CDH13: variants seen among roughly 807,000 people sequenced by gnomAD.
CDH13 encodes the protein cadherin-13.
In CDH13, 24 loss-of-function variants were observed where a neutral mutation model predicts 63.8. The observed-to-expected ratio is 0.38, with a 90% CI of 0.27 to 0.53. The LOEUF is 0.53. CDH13 is among the 20% of genes least tolerant of loss of function. The probability of loss-of-function intolerance (pLI) is 0.85; values close to 1 mark genes in which losing one functional copy is unlikely to be tolerated. For synonymous variants in CDH13, 503 were observed against 355.3 expected, an observed-to-expected ratio of 1.42 and a Z score of -4.67; for missense variants, 1,049 against 903.1, an observed-to-expected ratio of 1.16 and a Z score of -2.07.
rs1309480477 is a variant in CDH13, at chr16:83,511,066, G to GCA, written c.960+24418_960+24419dup. On this transcript the variant is annotated intron_variant, in intron 7 of 13. Coordinates refer to ENST00000567109, the MANE Select transcript of CDH13 (RefSeq NM_001257.5). Reference sequence around the variant, plus strand: ...CACACGTGTGTGCACACACAGACACGCACACACATGCACGCATGCACACAC... The same window carrying GCA: ...CACACGTGTGTGCACACACAGACACGCACACACACATGCACGCATGCACACAC... 3.9e-5 allele frequency among the ~76,000 whole-genome samples: 3 copies of GCA among 77,086 alleles called. No individual in the cohort carries two copies. In the East Asian group the frequency reaches 2.3e-3, roughly 60 times the overall value. 50.6% of individuals were successfully genotyped at this position (77,086 alleles called of 152,430 possible).
chr16:83,169,676 G>A (rs1030373815), intron 4 of CDH13, among the ~76,000 whole-genome samples: 6 of 151,776 alleles, frequency 4.0e-5, no homozygotes, highest in Admixed American at 3.9e-4. Context: ...ACTACTTATT[G>A]TGGATATTAA....
chr16:82,697,210 A>C (rs1447357805), intron 1 of CDH13, among the ~76,000 whole-genome samples: 1 of 152,176 alleles, frequency 6.6e-6, no homozygotes, highest in East Asian at 1.9e-4. Context: ...ATATATTTCA[A>C]AACCACCACA....
intron 4 of CDH13, among the ~76,000 whole-genome samples, chr16:83,130,473 G>T (rs1233923811): frequency 1.3e-5 from 2 of 152,156 alleles, no homozygotes; most frequent in African/African-American, 4.8e-5. Flanking sequence ...CATTAAAATT[G>T]AGTGCAATTC....
At chr16:82,918,112 G>A (rs1382661019) in intron 2 of CDH13, among the ~76,000 whole-genome samples, 3 of 152,140 alleles carry the variant, frequency 2.0e-5, no homozygotes, top group African/African-American at 7.2e-5. Flanking sequence ...CCTGGTAAAA[G>A]GTGGCAGAGC....
At chr16:83,485,123 T>C (rs945878927) in intron 6 of CDH13, among the ~76,000 whole-genome samples, 9 of 152,224 alleles carry the variant, frequency 5.9e-5, no homozygotes, top group African/African-American at 2.2e-4. Context: ...AATATCTCAG[T>C]GTGAGAATAC....
chr16:83,653,342 A>T (rs1278005789), intron 8 of CDH13, among the ~76,000 whole-genome samples: 1 of 152,188 alleles, frequency 6.6e-6, no homozygotes, highest in Non-Finnish European at 1.5e-5. Context: ...CAAAGAAAAA[A>T]CTGCATAGCA....
At chr16:83,448,931 G>A (rs1356344421) in intron 6 of CDH13, among the ~76,000 whole-genome samples, 1 of 152,182 alleles carries the variant, frequency 6.6e-6, no homozygotes, top group Non-Finnish European at 1.5e-5. Flanking sequence ...AGGAATACAG[G>A]ATTCTTCGTA....
intron 7 of CDH13, among the ~76,000 whole-genome samples, chr16:83,594,456 A>T (rs143719087): frequency 6.6e-6 from 1 of 152,154 alleles, no homozygotes; most frequent in South Asian, 2.1e-4. Flanking sequence ...TTAAATGTCA[A>T]CCATCCTATT....
intron 10 of CDH13, among the ~76,000 whole-genome samples, chr16:83,743,927 C>T (rs575662270): frequency 1.3e-5 from 2 of 151,690 alleles, no homozygotes; most frequent in African/African-American, 4.8e-5. Flanking sequence ...ACCGAGAAGC[C>T]CAGCCCCTGG....
intron 4 of CDH13, among the ~76,000 whole-genome samples, chr16:83,160,502 C>T (rs2151710007): frequency 6.6e-6 from 1 of 152,238 alleles, no homozygotes; most frequent in South Asian, 2.1e-4. Context: ...TTGTGAATGT[C>T]AGCAAATGAA....
At chr16:83,586,805 G>A (rs4548845) in intron 7 of CDH13, among the ~76,000 whole-genome samples, 2 of 152,118 alleles carry the variant, frequency 1.3e-5, no homozygotes, top group African/African-American at 4.8e-5. Context: ...GCCGGGTTAT[G>A]CTCACTGCTT....
chr16:82,779,576 A>T (rs1269948911), intron 1 of CDH13, among the ~76,000 whole-genome samples: 1 of 152,160 alleles, frequency 6.6e-6, no homozygotes, highest in Non-Finnish European at 1.5e-5. Flanking sequence ...GGCAAAGGAG[A>T]GGGGCCAGGA....
chr16:82,979,238 T>A (rs1239227454), intron 2 of CDH13, among the ~76,000 whole-genome samples: 12 of 152,162 alleles, frequency 7.9e-5, no homozygotes, highest in Admixed American at 7.9e-4. Context: ...GTAGGCCTCG[T>A]CTCAGATGAG....
At chr16:82,786,266 T>C (rs2035996804) in intron 1 of CDH13, among the ~76,000 whole-genome samples, 1 of 152,126 alleles carries the variant, frequency 6.6e-6, no homozygotes, top group Non-Finnish European at 1.5e-5. Flanking sequence ...TATCTTACAG[T>C]TAAGGTTTGA....
intron 6 of CDH13, among the ~76,000 whole-genome samples, chr16:83,422,056 C>T (rs1437540412): frequency 6.6e-6 from 1 of 152,088 alleles, no homozygotes; most frequent in Non-Finnish European, 1.5e-5. Context: ...ATGTTGGTCT[C>T]AGTTTTTAAG....
At chr16:83,517,629 A>G (rs552984580) in intron 7 of CDH13, among the ~76,000 whole-genome samples, 17 of 152,220 alleles carry the variant, frequency 1.1e-4, no homozygotes, top group Non-Finnish European at 2.1e-4. Flanking sequence ...CACGTGGGCA[A>G]TCACCAGGAA....
chr16:83,241,652 G>T (rs185849489), intron 5 of CDH13, among the ~76,000 whole-genome samples: 6 of 152,194 alleles, frequency 3.9e-5, no homozygotes, highest in African/African-American at 1.2e-4. Flanking sequence ...ATCTATTCAG[G>T]CCCCTTGCCC....
At chr16:83,037,645 A>G (rs565491115) in intron 3 of CDH13, among the ~76,000 whole-genome samples, 50 of 152,250 alleles carry the variant, frequency 3.3e-4, no homozygotes, top group Non-Finnish European at 3.4e-4. Context: ...GCTCCTAGGG[A>G]CATCTTTATA....
At chr16:82,634,280 T>C (rs1161544362) in intron 1 of CDH13, among the ~76,000 whole-genome samples, 1 of 152,216 alleles carries the variant, frequency 6.6e-6, no homozygotes, top group East Asian at 1.9e-4. Flanking sequence ...CAATGTCTCT[T>C]TCCCTCAAGG....
Sources: allele counts gnomAD v4.1 joint callset (sites outside exome capture counted in the v4.1 genomes callset), GRCh38; gene constraint gnomAD v4.1.1; transcripts MANE v1.5; gene names NCBI Gene and HGNC (gene_info 2026-07-23, HGNC 2026-07-21).